Variants in DNAJA3 observed in about 807,000 individuals in gnomAD.
DNAJA3 encodes dnaJ homolog subfamily A member 3, mitochondrial.
In DNAJA3, 29 loss-of-function variants were observed where a neutral mutation model predicts 54.9. The observed-to-expected ratio is 0.53, with a 90% CI of 0.39 to 0.72. DNAJA3 has a LOEUF of 0.72. Ranked by LOEUF, DNAJA3 falls within the 30% of genes least tolerant of loss-of-function variation. The pLI is 0.00. For missense variants in DNAJA3, 708 were observed against 639.4 expected, an observed-to-expected ratio of 1.11 and a Z score of -1.16; for synonymous variants, 302 against 251.4, an observed-to-expected ratio of 1.20 and a Z score of -1.90.
chr16:4,444,605 A>G (rs1407782662), intron 6 of DNAJA3, 59 bp from the exon 7 acceptor site: 2 of 1,497,828 alleles, frequency 1.3e-6, no homozygotes, highest in African/African-American at 2.8e-5. Flanking sequence ...AAGTGCTGGG[A>G]TTACAGGCGT....
At chr16:4,434,292 C>A in intron 1 of DNAJA3, 92 bp from the exon 2 acceptor site, 1 of 1,420,672 alleles carries the variant, frequency 7.0e-7, no homozygotes, top group Non-Finnish European at 9.6e-7. Flanking sequence ...TTGTTTGTTC[C>A]TTCACAGATA....
intron 10 of DNAJA3, among the ~76,000 whole-genome samples, chr16:4,453,122 A>G (rs1488587302): frequency 6.6e-6 from 1 of 151,972 alleles, no homozygotes; most frequent in African/African-American, 2.4e-5. Context: ...TGGTGCAGTC[A>G]TAGCTCACGG....
At chr16:4,436,976 T>C (rs941306663) in intron 2 of DNAJA3, among the ~76,000 whole-genome samples, 6 of 152,136 alleles carry the variant, frequency 3.9e-5, no homozygotes, top group Non-Finnish European at 1.5e-5. Flanking sequence ...ATTATTATTA[T>C]TATTTTGTGG....
In DNAJA3 at chr16:4,455,848, T is replaced by C. The variant is rs2057029540; in HGVS notation, c.*316T>C. The C allele has an allele frequency of 3.6e-6, 2 of 548,438 alleles. No individual in the cohort carries two copies. Among genetic ancestry groups the C allele is most frequent in the Non-Finnish European group, 6.5e-6 (2 of 306,606 alleles). 34.0% of individuals were successfully genotyped at this position (548,438 alleles called of 1,614,324 possible). ...CTCTTGCAGGGCTAAAACTCTAATT[T>C]GGAATTGAATATTGTGGATATCTTA... On this transcript the variant is annotated 3_prime_UTR_variant, in exon 12 of 12. Coordinates refer to ENST00000262375, the MANE Select transcript of DNAJA3 (RefSeq NM_005147.6).
chr16:4,451,246 ATTTTGT>A (rs532527645), intron 10 of DNAJA3, among the ~76,000 whole-genome samples: 39 of 152,144 alleles, frequency 2.6e-4, no homozygotes, highest in African/African-American at 9.4e-4. Flanking sequence ...TCATTGCATC[ATTTTGT>A]TTTTGTTTGG....
In DNAJA3 at chr16:4,434,404, A is replaced by C. The variant is rs764667473; in HGVS notation, c.232A>C (p.Ile78Leu). ...SLTGTKHNPF[I>L]CTASFHTSAP... ...TTTAGGAACAAAACATAACCCTTTC[A>C]TTTGTACTGCCTCCTTCCACACGAG... Residue 78 changes from isoleucine (I) to leucine (L), a missense_variant, in exon 2 of 12, where the codon ATT becomes CTT. Ile to Leu is a conservative substitution (Grantham distance 5). Coordinates refer to ENST00000262375, the MANE Select transcript of DNAJA3 (RefSeq NM_005147.6). The C allele has an allele frequency of 1.4e-5, 22 of 1,613,044 alleles. 1 individual carries two copies. In the South Asian group the frequency reaches 2.4e-4, roughly 18 times the overall value.
chr16:4,432,767 C>G (rs1018968673), intron 1 of DNAJA3, among the ~76,000 whole-genome samples: 1 of 150,910 alleles, frequency 6.6e-6, no homozygotes, highest in Non-Finnish European at 1.5e-5. Context: ...ACCCAGCAGG[C>G]GGAGGTTGCA....
chr16:4,434,607 A>T lies in DNAJA3; in HGVS notation c.345+90A>T, dbSNP rs1354180390. ...CCTGATCAGTACAGCGTATGTGCCC[A>T]TATGAATAGGTCTCATGAGCTGATA... On this transcript the variant is annotated intron_variant, in intron 2 of 11. Transcript: ENST00000262375. 5 of 1,468,346 alleles carry T rather than the reference A, an allele frequency of 3.4e-6. No individual in the cohort carries two copies. In the East Asian group the frequency reaches 1.1e-4, roughly 33 times the overall value. 91.0% of individuals were successfully genotyped at this position (1,468,346 alleles called of 1,614,324 possible).
chr16:4,435,252 G>A (rs1198010552), intron 2 of DNAJA3, among the ~76,000 whole-genome samples: 2 of 151,874 alleles, frequency 1.3e-5, no homozygotes, highest in Admixed American at 1.3e-4. Context: ...GGTCTATTAG[G>A]GTAGTTAGGG....
intron 1 of DNAJA3, among the ~76,000 whole-genome samples, chr16:4,432,842 A>T (rs999377518): frequency 6.6e-6 from 1 of 150,888 alleles, no homozygotes; most frequent in East Asian, 2.0e-4. Context: ...GTCTCAAAAA[A>T]CAAAGAAACA....
chr16:4,441,680 G>A lies in DNAJA3; in HGVS notation c.630+105G>A, dbSNP rs989645389. On this transcript the variant is annotated intron_variant, in intron 4 of 11. Coordinates refer to ENST00000262375, the MANE Select transcript of DNAJA3 (RefSeq NM_005147.6). ...CTCAGAAAGGCAAGGCAGCTTAAAT[G>A]GAGTGATCTGGAGGCAGCCATTTTA... The A allele has an allele frequency of 7.3e-6, 8 of 1,092,476 alleles. No individual in the cohort carries two copies. The African/African-American group carries it at 1.1e-4, about 15-fold the overall frequency. The allele number at this position is 1,092,476 out of a possible 1,614,324, so 67.7% of individuals were successfully genotyped here.
intron 7 of DNAJA3, among the ~76,000 whole-genome samples, chr16:4,445,285 C>A (rs189910712): frequency 1.3e-5 from 2 of 152,258 alleles, no homozygotes; most frequent in Admixed American, 1.3e-4. Flanking sequence ...GCAGGGCAGT[C>A]GGAAGGAAAG....
intron 6 of DNAJA3, among the ~76,000 whole-genome samples, chr16:4,444,328 TTTTTTC>T (rs1156516473): frequency 6.6e-6 from 1 of 151,870 alleles, no homozygotes; most frequent in Non-Finnish European, 1.5e-5. Context: ...TCCCTTTCTT[TTTTTTC>T]TTTTTCTTTT....
chr16:4,446,961 C>T lies in DNAJA3; in HGVS notation c.1072C>T (p.Leu358Phe). The T allele has an allele frequency of 5.0e-6, 8 of 1,614,146 alleles. No individual in the cohort carries two copies. The highest frequency in any genetic ancestry group is 2.2e-5 in the East Asian group (1 of 44,886). The change falls in exon 8 of 12, where the codon CTT becomes TTT. Residue 358 changes from leucine to phenylalanine, a missense_variant. Leu to Phe is a conservative substitution (Grantham distance 22). Transcript: ENST00000262375. Reference protein sequence around the residue: ...SDLFISIAQALLGGTARAQGL... With the variant: ...SDLFISIAQAFLGGTARAQGL... ...CCTCTTTATTTCTATAGCTCAGGCT[C>T]TTCTTGGGGGTACAGCCAGAGCCCA...
At chr16:4,435,590 C>T (rs1219640012) in intron 2 of DNAJA3, among the ~76,000 whole-genome samples, 1 of 152,152 alleles carries the variant, frequency 6.6e-6, no homozygotes, top group East Asian at 1.9e-4. Flanking sequence ...AATATGTATC[C>T]TTTTGTGTGT....
At chr16:4,433,490 ACCT>A (rs1299664754) in intron 1 of DNAJA3, 1 of 151,894 alleles carries the variant, frequency 6.6e-6, no homozygotes, top group Non-Finnish European at 1.5e-5. Context: ...GTGGGTGGAG[ACCT>A]CCTGAGTTTC....
intron 6 of DNAJA3, among the ~76,000 whole-genome samples, chr16:4,444,073 T>A (rs1315887118): frequency 6.6e-6 from 1 of 152,186 alleles, no homozygotes; most frequent in Non-Finnish European, 1.5e-5. Context: ...TATGCATTAG[T>A]GCTATCGTTT....
At chr16:4,430,888 A>G (rs2056690674) in intron 1 of DNAJA3, 1 of 152,096 alleles carries the variant, frequency 6.6e-6, no homozygotes, top group Non-Finnish European at 1.5e-5. Flanking sequence ...TACTAAAAAT[A>G]CAAAAATTAG....
chr16:4,441,094 G>A (rs1442776383), intron 3 of DNAJA3: 3 of 502,132 alleles, frequency 6.0e-6, no homozygotes, highest in Non-Finnish European at 1.1e-5. Context: ...GTGCCTGTGA[G>A]GTCAAGCGAG....
Sources: gnomAD v4.1 joint callset for allele counts (sites outside exome capture counted in the v4.1 genomes callset) on GRCh38, gnomAD v4.1.1 for gene constraint, MANE v1.5 for transcripts, NCBI Gene and HGNC (gene_info 2026-07-23, HGNC 2026-07-21) for gene names.